Variants in BCL2L13 observed in about 807,000 individuals in gnomAD.
BCL2L13 encodes the protein bcl-2-like protein 13.
In BCL2L13, 13 loss-of-function variants were observed where a neutral mutation model predicts 25.8. That is an observed-to-expected ratio of 0.50 (90% CI 0.33 to 0.80). The LOEUF is 0.80. Among genes scored for constraint, BCL2L13 ranks in the 30% least tolerant of loss-of-function variants. The probability of loss-of-function intolerance (pLI) is 0.02; values close to 1 mark genes in which losing one functional copy is unlikely to be tolerated. For missense variants in BCL2L13, 504 were observed against 574.9 expected (o/e 0.88, Z 1.26); for synonymous variants, 244 against 230.3 (o/e 1.06, Z -0.54).
intron 2 of BCL2L13, among the ~76,000 whole-genome samples, chr22:17,668,293 G>A (rs1271176363): frequency 1.3e-5 from 2 of 151,576 alleles, no homozygotes; most frequent in East Asian, 1.9e-4. Context: ...GATTACAGGC[G>A]TGAGCCACCG....
intron 1 of BCL2L13, among the ~76,000 whole-genome samples, chr22:17,631,849 G>A (rs1340481186): frequency 6.7e-6 from 1 of 148,314 alleles, no homozygotes; most frequent in Non-Finnish European, 1.5e-5. Context: ...AGCCTCCTGT[G>A]TAGCTGGGAC....
chr22:17,703,077 C>G (rs1412202684), intron 6 of BCL2L13: 1 of 152,076 alleles, frequency 6.6e-6, no homozygotes, highest in Non-Finnish European at 1.5e-5. Context: ...ATCACTTGAA[C>G]CCGGGAGGCA....
chr22:17,687,316 AGTTTT>A (rs1471595186), intron 3 of BCL2L13, among the ~76,000 whole-genome samples: 1 of 106,858 alleles, frequency 9.4e-6, no homozygotes, highest in Admixed American at 1.1e-4. Context: ...TCTGGATTCA[AGTTTT>A]ATTTTATTTT....
In BCL2L13 at chr22:17,710,492, A is replaced by G. The variant is rs536286988; in HGVS notation, c.600+8106A>G. On this transcript the variant is annotated intron_variant, in intron 6 of 6. Coordinates refer to ENST00000317582, the MANE Select transcript of BCL2L13 (RefSeq NM_015367.4). Reference sequence around the variant, plus strand: ...CTGCTCCGGAGGCTGAGGCAGGGGAATCGCTTGAACTTGGGAGGCGGAGGT... The same window carrying G: ...CTGCTCCGGAGGCTGAGGCAGGGGAGTCGCTTGAACTTGGGAGGCGGAGGT... 2.6e-5 allele frequency among the ~76,000 whole-genome samples: 4 copies of G among 152,282 alleles called. No homozygotes were observed. The South Asian group carries it at 6.2e-4, about 24-fold the overall frequency.
intron 4 of BCL2L13, among the ~76,000 whole-genome samples, chr22:17,691,947 A>G (rs1294326775): frequency 6.6e-6 from 1 of 152,210 alleles, no homozygotes; most frequent in Admixed American, 6.5e-5. Flanking sequence ...TTGGTTATGT[A>G]TCAAAGTCAG....
chr22:17,638,593 T>A, upstream of BCL2L13: 5 of 1,004,896 alleles, frequency 5.0e-6, no homozygotes, highest in Non-Finnish European at 6.4e-6. Flanking sequence ...CGCAATCAGA[T>A]TTGGGCGGGC....
chr22:17,674,729 T>C (rs1214976938), intron 2 of BCL2L13, among the ~76,000 whole-genome samples: 1 of 151,810 alleles, frequency 6.6e-6, no homozygotes, highest in East Asian at 1.9e-4. Flanking sequence ...GCTCAAGGGG[T>C]CTTCCTGCCT....
chr22:17,675,853 A>G (rs961452006), intron 2 of BCL2L13, among the ~76,000 whole-genome samples: 15 of 152,244 alleles, frequency 9.9e-5, no homozygotes, highest in Non-Finnish European at 2.2e-4. Flanking sequence ...GAGCAAGAAT[A>G]ACTGCCTGTC....
intron 2 of BCL2L13, 137 bp downstream of exon 2, chr22:17,655,969 G>T: frequency 1.1e-6 from 1 of 873,624 alleles, no homozygotes; most frequent in Non-Finnish European, 1.6e-6. Context: ...AGGGCTGGGC[G>T]CGGTGGCTCA....
At chr22:17,654,866 C>A (rs1268916796) in intron 1 of BCL2L13, among the ~76,000 whole-genome samples, 1 of 151,924 alleles carries the variant, frequency 6.6e-6, no homozygotes, top group East Asian at 1.9e-4. Context: ...GGACCATAGG[C>A]AGGCCCTACC....
intron 2 of BCL2L13, among the ~76,000 whole-genome samples, chr22:17,661,318 C>G (rs2059059354): frequency 6.9e-6 from 1 of 145,456 alleles, no homozygotes; most frequent in African/African-American, 2.4e-5. Flanking sequence ...GTCTCGAACT[C>G]CTAACCTCGT....
At chr22:17,720,183 G>A (rs201486227) in intron 6 of BCL2L13, among the ~76,000 whole-genome samples, 19 of 26,360 alleles carry the variant, frequency 7.2e-4, no homozygotes, top group Admixed American at 1.7e-3. Context: ...TCTTTCTTTC[G>A]TTAGAGACAG....
rs574607698 is a variant in BCL2L13, at chr22:17,699,477, A to G, written c.457-2766A>G. Reference sequence around the variant, plus strand: ...ACCACATAGTGTACGAAGAGATGTCAGGAGATTAAATAAGTGTGTGGATAA... The same window carrying G: ...ACCACATAGTGTACGAAGAGATGTCGGGAGATTAAATAAGTGTGTGGATAA... On this transcript the variant is annotated intron_variant, in intron 5 of 6. Transcript: ENST00000317582. 5.5e-4 allele frequency among the ~76,000 whole-genome samples: 84 copies of G among 152,326 alleles called. 2 individuals carry two copies. Among genetic ancestry groups the G allele is most frequent in the Non-Finnish European group, 7.5e-4 (51 of 68,022 alleles).
At chr22:17,691,412 C>T (rs974028086) in intron 4 of BCL2L13, among the ~76,000 whole-genome samples, 10 of 152,094 alleles carry the variant, frequency 6.6e-5, no homozygotes, top group Non-Finnish European at 8.8e-5. Flanking sequence ...TTGGGGAGGC[C>T]GAGGCGGGCG....
Position 17,712,857 on chromosome 22 carries a change from A to G in BCL2L13, c.600+10471A>G, listed in dbSNP as rs186834090. Among the ~76,000 whole-genome samples, 764 of 152,256 alleles carry G rather than the reference A, an allele frequency of 5.0e-3. 4 individuals are homozygous for G. The highest frequency in any genetic ancestry group is 0.016 in the African/African-American group (664 of 41,546). On this transcript the variant is annotated intron_variant, in intron 6 of 6. Coordinates refer to ENST00000317582, the MANE Select transcript of BCL2L13 (RefSeq NM_015367.4). ...CCTACTGTCATTCTTTGTTATGGTG[A>G]CTTACCAAGAATCAGCAAAGTTTGG...
In BCL2L13 at chr22:17,696,182, C is replaced by G; in HGVS notation, c.428C>G (p.Thr143Ser). ...GCATTTCGGGAATGTACACTGGAGACCACAGTTCATGCCAGCGGCTGGAAT... is the reference window on the plus strand; with the variant it reads ...GCATTTCGGGAATGTACACTGGAGAGCACAGTTCATGCCAGCGGCTGGAAT... ...YQAFRECTLETTVHASGWNKI... is the reference protein window; with the variant it reads ...YQAFRECTLESTVHASGWNKI... Residue 143 changes from threonine (T) to serine (S), a missense_variant, in exon 5 of 7, where the codon ACC (threonine) becomes AGC (serine). Transcript: ENST00000317582. 6.2e-7 allele frequency: 1 copy of G among 1,613,880 alleles called. No homozygotes were observed. The highest frequency in any genetic ancestry group is 1.3e-5 in the African/African-American group (1 of 75,028).
At chr22:17,634,606 G>A (rs1190970923), upstream of BCL2L13, among the ~76,000 whole-genome samples, 1 of 152,128 alleles carries the variant, frequency 6.6e-6, no homozygotes, top group Non-Finnish European at 1.5e-5. Flanking sequence ...CATTGCTTTT[G>A]CTAGCACCCA....
chr22:17,718,006 G>C (rs1020053243), intron 6 of BCL2L13, among the ~76,000 whole-genome samples: 4 of 152,156 alleles, frequency 2.6e-5, no homozygotes, highest in African/African-American at 9.7e-5. Flanking sequence ...AGGGTTGCTT[G>C]AGCCCTGGGG....
intron 6 of BCL2L13, chr22:17,703,169 A>C (rs1008334902): frequency 7.0e-6 from 1 of 143,854 alleles, no homozygotes; most frequent in Non-Finnish European, 1.5e-5. Flanking sequence ...CAAAATATAT[A>C]TATACACACA....
Sources: gnomAD v4.1 joint callset for allele counts (sites outside exome capture counted in the v4.1 genomes callset) on GRCh38, gnomAD v4.1.1 for gene constraint, MANE v1.5 for transcripts, NCBI Gene and HGNC (gene_info 2026-07-23, HGNC 2026-07-21) for gene names.